C3orf20: variants seen among roughly 807,000 people sequenced by gnomAD.
C3orf20 encodes uncharacterized protein C3orf20.
In C3orf20, 76 loss-of-function variants were observed where a neutral mutation model predicts 88.3. The observed-to-expected ratio is 0.86, with a 90% CI of 0.72 to 1.04. The LOEUF (loss-of-function observed/expected upper bound fraction) is 1.04. C3orf20 is among the 50% of genes least tolerant of loss of function. The pLI is 0.00. For synonymous variants in C3orf20, 436 were observed against 437.4 expected, an observed-to-expected ratio of 1.00 and a Z score of 0.04; for missense variants, 1,056 against 1,123.3, an observed-to-expected ratio of 0.94 and a Z score of 0.86.
chr3:14,747,259 T>G (rs1232019994), intron 12 of C3orf20, among the ~76,000 whole-genome samples: 3 of 152,262 alleles, frequency 2.0e-5, no homozygotes, highest in Non-Finnish European at 4.4e-5. Context: ...AGTCTCATTA[T>G]GATATGAAAT....
At position 14,682,626 on chromosome 3, in the gene C3orf20, T is replaced by C. The variant is rs919030990; in HGVS notation, c.-88T>C. 1.4e-4 allele frequency: 207 copies of C among 1,495,990 alleles called. 2 individuals are homozygous for C. Among genetic ancestry groups the C allele is most frequent in the Non-Finnish European group, 1.8e-4 (204 of 1,119,350 alleles). The allele number at this position is 1,495,990 out of a possible 1,614,324, so 92.7% of individuals were successfully genotyped here. ...AAGGGCCGTTTCAGCACATCCATTC[T>C]GTCCATCTCCAAGCCTTCACCGTAG... is the stretch of plus-strand genomic sequence containing the variant. On this transcript the variant is annotated 5_prime_UTR_variant, in exon 3 of 17. Transcript: ENST00000253697.
At chr3:14,708,082 A>G (rs888618127) in intron 7 of C3orf20, among the ~76,000 whole-genome samples, 1 of 152,066 alleles carries the variant, frequency 6.6e-6, no homozygotes, top group Non-Finnish European at 1.5e-5. Context: ...TTGGCCTCCC[A>G]AAGTGCTGGG....
At chr3:14,684,179 C>T in intron 3 of C3orf20, 63 bp from the exon 4 acceptor site, 1 of 1,591,278 alleles carries the variant, frequency 6.3e-7, no homozygotes, top group Non-Finnish European at 8.6e-7. Flanking sequence ...TACAGAGGTC[C>T]TTTTCTGGAA....
rs34407504 is a variant in C3orf20, at chr3:14,738,630, C to CTTT, written c.1940+9962_1940+9964dup. ...ACAGGCATGAGCCACCATGCCCGGC[C>CTTT]TTTTTTTTTTTTTTTTTTTTTTGAC... is the stretch of plus-strand genomic sequence containing the variant. On this transcript the variant is annotated intron_variant, in intron 12 of 16. Transcript: ENST00000253697. Among the ~76,000 whole-genome samples, 169 of 73,476 alleles carry CTTT rather than the reference C, an allele frequency of 2.3e-3. 4 individuals are homozygous for CTTT. Among genetic ancestry groups the CTTT allele is most frequent in the South Asian group, 5.5e-3 (7 of 1,268 alleles). 48.2% of individuals were successfully genotyped at this position (73,476 alleles called of 152,430 possible). A position where few individuals can be genotyped will look rare whatever the true frequency, so the allele number is the denominator to read the frequency against.
At chr3:14,728,721 C>G (rs780269197) in intron 12 of C3orf20, 33 bp downstream of exon 12, 6 of 1,604,526 alleles carry the variant, frequency 3.7e-6, no homozygotes. Flanking sequence ...TCCGCAGCAT[C>G]GGGTGTTGTG....
chr3:14,680,521 A>G (rs899433649), intron 1 of C3orf20, among the ~76,000 whole-genome samples: 1 of 152,306 alleles, frequency 6.6e-6, no homozygotes, highest in Admixed American at 6.5e-5. Context: ...GGAGTGACTG[A>G]TGATGGGTTT....
Position 14,704,403 on chromosome 3 carries a change from G to A in C3orf20, c.945G>A (p.Lys315=). 2 of 1,614,074 alleles carry A rather than the reference G, an allele frequency of 1.2e-6. No homozygotes were observed. Among genetic ancestry groups the A allele is most frequent in the Admixed American group, 1.7e-5 (1 of 60,016 alleles). ...ISYPMILRNY[K]AKMPSHLMLA... Reference sequence around the variant, plus strand: ...ACCCCATGATCTTACGAAACTACAAGGCAAAGATGCCCTCTCATCTAATGT... The same window carrying A: ...ACCCCATGATCTTACGAAACTACAAAGCAAAGATGCCCTCTCATCTAATGT... The change falls in exon 7 of 17, where the codon AAG becomes AAA. Residue 315 remains lysine, a synonymous_variant. Transcript: ENST00000253697.
Position 14,772,768 on chromosome 3 carries a change from C to A in C3orf20, c.2631-23C>A. ...TGTGAAGAACAGCCCTTCCGCCTCC[C>A]GGCCCTCTATTTTGATCTTTAGGAC... On this transcript the variant is annotated intron_variant, in intron 16 of 16. Coordinates refer to ENST00000253697, the MANE Select transcript of C3orf20 (RefSeq NM_032137.5). The surrounding 1 kb of genome is among the most constrained non-coding windows in gnomAD (Gnocchi z 4.2). 2 of 1,599,228 alleles carry A rather than the reference C, an allele frequency of 1.3e-6. No homozygotes were observed. The highest frequency in any genetic ancestry group is 1.1e-5 in the South Asian group (1 of 90,622).
At chr3:14,749,254 T>C (rs2035150213) in intron 12 of C3orf20, among the ~76,000 whole-genome samples, 1 of 152,240 alleles carries the variant, frequency 6.6e-6, no homozygotes, top group Non-Finnish European at 1.5e-5. Context: ...TTGTCTGATA[T>C]TAGTATAACC....
intron 12 of C3orf20, among the ~76,000 whole-genome samples, chr3:14,734,583 G>C (rs1435369266): frequency 6.6e-6 from 1 of 152,026 alleles, no homozygotes; most frequent in African/African-American, 2.4e-5. Context: ...TCTGTAATTT[G>C]CTTAGACTTG....
chr3:14,701,343 C>G lies in C3orf20; in HGVS notation c.746-1787C>G, dbSNP rs1261962337. Reference sequence around the variant, plus strand: ...GTTAGAGCCTGAGAAATGCCCCCACCCAAAGCCAGGTTTCATCCTCAAATC... The same window carrying G: ...GTTAGAGCCTGAGAAATGCCCCCACGCAAAGCCAGGTTTCATCCTCAAATC... On this transcript the variant is annotated intron_variant, in intron 5 of 16. Coordinates refer to ENST00000253697, the MANE Select transcript of C3orf20 (RefSeq NM_032137.5). The surrounding 1 kb of genome is among the most constrained non-coding windows in gnomAD (Gnocchi z 4.6). Among the ~76,000 whole-genome samples, 1 of 152,104 alleles carries G rather than the reference C, an allele frequency of 6.6e-6. No homozygotes were observed. The highest frequency in any genetic ancestry group is 2.4e-5 in the African/African-American group (1 of 41,432).
intron 9 of C3orf20, among the ~76,000 whole-genome samples, chr3:14,718,295 A>G (rs1048764762): frequency 2.0e-5 from 3 of 151,236 alleles, no homozygotes; most frequent in South Asian, 4.2e-4. Context: ...AAGTTCAGTG[A>G]CTTTATTCTG....
At chr3:14,730,093 C>T (rs981480665) in intron 12 of C3orf20, among the ~76,000 whole-genome samples, 9 of 152,184 alleles carry the variant, frequency 5.9e-5, no homozygotes, top group South Asian at 2.1e-4. Flanking sequence ...AGATTGCTAA[C>T]ACCAGAGATT....
At chr3:14,692,571 C>A (rs1344942511) in intron 5 of C3orf20, among the ~76,000 whole-genome samples, 1 of 152,084 alleles carries the variant, frequency 6.6e-6, no homozygotes, top group Non-Finnish European at 1.5e-5. Flanking sequence ...CTTGAAAGAT[C>A]ACTCAATCAG....
At chr3:14,685,439 CCTCTCT>C (rs566893132) in intron 4 of C3orf20, among the ~76,000 whole-genome samples, 1 of 137,112 alleles carries the variant, frequency 7.3e-6, no homozygotes, top group Non-Finnish European at 1.6e-5. Flanking sequence ...CACCCAGTGA[CCTCTCT>C]CTCTCTCTCT....
At chr3:14,679,020 C>T (rs1333490231) in intron 1 of C3orf20, among the ~76,000 whole-genome samples, 7 of 152,216 alleles carry the variant, frequency 4.6e-5, no homozygotes, top group Admixed American at 4.6e-4. Context: ...TGTGTGCAGT[C>T]CTCTGAGCCC....
At chr3:14,759,538 T>C (rs1401451616) in intron 13 of C3orf20, among the ~76,000 whole-genome samples, 1 of 152,168 alleles carries the variant, frequency 6.6e-6, no homozygotes, top group Non-Finnish European at 1.5e-5. Context: ...CGGGTCCACC[T>C]AAGAACACAG....
chr3:14,760,114 C>A (rs1055761166), intron 14 of C3orf20, 116 bp downstream of exon 14: 2 of 783,448 alleles, frequency 2.6e-6, no homozygotes, highest in Non-Finnish European at 2.2e-6. Context: ...GGAGGGGCTG[C>A]GGAATTATCT....
intron 1 of C3orf20, among the ~76,000 whole-genome samples, chr3:14,676,113 C>T (rs531133908): frequency 2.3e-4 from 31 of 137,574 alleles, no homozygotes; most frequent in Admixed American, 5.4e-4. Flanking sequence ...CCCTCCCCCC[C>T]GCCTTTTTTT....
Sources: gnomAD v4.1 joint callset for allele counts (sites outside exome capture counted in the v4.1 genomes callset) on GRCh38, gnomAD v4.1.1 for gene constraint, Gnocchi (gnomAD v3.1) non-coding constraint, MANE v1.5 for transcripts, NCBI Gene and HGNC (gene_info 2026-07-23, HGNC 2026-07-21) for gene names.